Variants in P2RY6 observed in about 807,000 individuals in gnomAD.
The protein encoded by P2RY6 is P2Y purinoceptor 6.
A neutral mutation model predicts 16.3 loss-of-function variants in P2RY6; 19 were observed. The observed-to-expected ratio is 1.16, with a 90% CI of 0.81 to 1.71. The LOEUF is 1.71. P2RY6 is among the 40% of genes most tolerant of loss of function. The pLI is 0.00. For synonymous variants in P2RY6, 184 were observed against 201.5 expected, an observed-to-expected ratio of 0.91 and a Z score of 0.74; for missense variants, 389 against 455.5, an observed-to-expected ratio of 0.85 and a Z score of 1.33.
upstream of P2RY6, among the ~76,000 whole-genome samples, chr11:73,269,257 G>A (rs1863206900): frequency 6.6e-6 from 1 of 152,162 alleles, no homozygotes; most frequent in African/African-American, 2.4e-5. Context: ...GTGCCCACAG[G>A]CAACGGAGGG....
At chr11:73,284,211 G>A (rs1746204542) in intron 1 of P2RY6, among the ~76,000 whole-genome samples, 1 of 152,134 alleles carries the variant, frequency 6.6e-6, no homozygotes, top group Non-Finnish European at 1.5e-5. Context: ...CAGGGCCTCA[G>A]GCACTCAACC....
intron 2 of P2RY6, 50 bp from the exon 3 acceptor site, chr11:73,296,435 C>A: frequency 2.0e-6 from 3 of 1,523,876 alleles, no homozygotes; most frequent in Non-Finnish European, 2.7e-6. Context: ...GCAGGGCCTG[C>A]TGGGTGGTGA....
At chr11:73,296,339 G>A in intron 2 of P2RY6, 146 bp from the exon 3 acceptor site, 1 of 638,872 alleles carries the variant, frequency 1.6e-6, no homozygotes, top group Non-Finnish European at 2.7e-6. Context: ...AGGGCTCTGT[G>A]GGGCTTCACG....
chr11:73,293,694 G>T (rs1380226105), intron 1 of P2RY6, among the ~76,000 whole-genome samples: 2 of 152,204 alleles, frequency 1.3e-5, no homozygotes, highest in Admixed American at 1.3e-4. Flanking sequence ...CAGCCCTGAA[G>T]GTTTTCCCAG....
chr11:73,295,577 G>A (rs532681428), intron 1 of P2RY6, among the ~76,000 whole-genome samples, 153 bp from the exon 2 acceptor site: 8 of 152,282 alleles, frequency 5.3e-5, no homozygotes, highest in Admixed American at 1.3e-4. Flanking sequence ...CGGTTGACTC[G>A]GTCCCTCACC....
intron 1 of P2RY6, among the ~76,000 whole-genome samples, chr11:73,290,095 C>T (rs927704262): frequency 2.0e-5 from 3 of 151,928 alleles, no homozygotes; most frequent in Non-Finnish European, 4.4e-5. Context: ...GTGGCACATG[C>T]CTGTACATCC....
At chr11:73,281,641 T>TCCTCG (rs2135717146) in intron 1 of P2RY6, among the ~76,000 whole-genome samples, 1 of 152,266 alleles carries the variant, frequency 6.6e-6, no homozygotes, top group African/African-American at 2.4e-5. Flanking sequence ...CAGCTGAGTG[T>TCCTCG]CCTCGGGAAC....
chr11:73,290,354 A>AGAAAGAAGGAAAGAAAGAAG (rs1554991152), intron 1 of P2RY6, among the ~76,000 whole-genome samples: 43 of 121,908 alleles, frequency 3.5e-4, no homozygotes, highest in African/African-American at 1.2e-3. Context: ...AAAGAAAGAA[A>AGAAAGAAGGAAAGAAAGAAG]GAAAGAAAGA....
chr11:73,287,422 C>T (rs528815405), intron 1 of P2RY6, among the ~76,000 whole-genome samples: 1 of 152,230 alleles, frequency 6.6e-6, no homozygotes, highest in Non-Finnish European at 1.5e-5. Context: ...AGACCCATCA[C>T]TCCCAGATCC....
chr11:73,278,160 T>G (rs1863618478), intron 1 of P2RY6, among the ~76,000 whole-genome samples: 1 of 114,696 alleles, frequency 8.7e-6, no homozygotes, highest in African/African-American at 3.1e-5. Context: ...ATTTATTTAT[T>G]TATTTATTTA....
intron 1 of P2RY6, among the ~76,000 whole-genome samples, chr11:73,289,712 G>A (rs1051399672): frequency 6.6e-6 from 1 of 152,218 alleles, no homozygotes; most frequent in Non-Finnish European, 1.5e-5. Flanking sequence ...CCCCTGATCT[G>A]AGCATCCAAG....
Position 73,290,217 on chromosome 11 carries a change from C to T in P2RY6, c.-120-5513C>T, listed in dbSNP as rs542204357. Among the ~76,000 whole-genome samples the T allele has an allele frequency of 1.1e-4, 15 of 140,866 alleles. No individual in the cohort carries two copies. In the East Asian group the frequency reaches 1.5e-3, roughly 14 times the overall value. The allele number at this position is 140,866 out of a possible 152,430, so 92.4% of individuals were successfully genotyped here. ...AGCCTGGGCAACAAGAGTGAAACTCCGTCAAAAAAAGAAAGAAAGAAAGAG... is the reference window on the plus strand; with the variant it reads ...AGCCTGGGCAACAAGAGTGAAACTCTGTCAAAAAAAGAAAGAAAGAAAGAG... On this transcript the variant is annotated intron_variant, in intron 1 of 2. Transcript: ENST00000540124.
chr11:73,275,891 T>C (rs1863515808), intron 1 of P2RY6, among the ~76,000 whole-genome samples: 1 of 152,226 alleles, frequency 6.6e-6, no homozygotes, highest in Admixed American at 6.5e-5. Context: ...TATCTTATAA[T>C]AACAGCAACA....
intron 1 of P2RY6, among the ~76,000 whole-genome samples, chr11:73,267,317 A>G (rs183249065): frequency 8.5e-5 from 13 of 152,240 alleles, no homozygotes; most frequent in Admixed American, 2.6e-4. Flanking sequence ...AAATGGCCAT[A>G]TGCTCTCTGG....
In P2RY6 at chr11:73,296,851, C is replaced by T. The variant is rs567246681; in HGVS notation, c.333C>T (p.His111=). ...LVRFLFYANL[H]GSILFLTCIS... The stretch of plus-strand genomic sequence containing the variant: ...GCTTCCTCTTCTATGCCAACCTGCA[C>T]GGCAGCATCCTCTTCCTCACCTGCA... The change falls in exon 3 of 3, where the codon CAC becomes CAT. Residue 111 remains histidine (H), a synonymous_variant. Transcript: ENST00000540124. 39 of 1,610,658 alleles carry T rather than the reference C, an allele frequency of 2.4e-5. No homozygotes were observed. Among genetic ancestry groups the T allele is most frequent in the South Asian group, 1.5e-4 (14 of 91,088 alleles).
At chr11:73,285,407 G>A (rs568286634) in intron 1 of P2RY6, among the ~76,000 whole-genome samples, 3 of 152,192 alleles carry the variant, frequency 2.0e-5, no homozygotes, top group African/African-American at 7.2e-5. Flanking sequence ...TCCACAGCAG[G>A]AGCCACTGTT....
intron 1 of P2RY6, among the ~76,000 whole-genome samples, chr11:73,281,111 C>G (rs11235710): frequency 0.13 from 20,025 of 152,118 alleles, 1,379 homozygotes; most frequent in Non-Finnish European, 0.16. Flanking sequence ...AGTTTTTCCA[C>G]CAGAGAAATG....
upstream of P2RY6, among the ~76,000 whole-genome samples, chr11:73,271,270 TC>T (rs1325308292): frequency 6.6e-6 from 1 of 151,456 alleles, no homozygotes; most frequent in South Asian, 2.1e-4. Flanking sequence ...GGTCAGCCTT[TC>T]CCCCCCGGCA....
In P2RY6 at chr11:73,287,678, C is replaced by T. The variant is rs2135733368; in HGVS notation, c.-120-8052C>T. 3.9e-5 allele frequency among the ~76,000 whole-genome samples: 6 copies of T among 152,380 alleles called. No homozygotes were observed. The South Asian group carries it at 1.2e-3, about 32-fold the overall frequency. On this transcript the variant is annotated intron_variant, in intron 1 of 2. Transcript: ENST00000540124. ...GGCCATCAGCCAACTGCACTACTTG[C>T]AGCTAAGCAGCAGGTTCCTTCTCAA...
Sources: gnomAD v4.1 joint callset for allele counts (sites outside exome capture counted in the v4.1 genomes callset) on GRCh38, gnomAD v4.1.1 for gene constraint, MANE v1.5 for transcripts, NCBI Gene and HGNC (gene_info 2026-07-23, HGNC 2026-07-21) for gene names.